Variants in DLEC1 observed in about 807,000 individuals in gnomAD.
DLEC1 encodes the protein deleted in lung and esophageal cancer protein 1.
A neutral mutation model predicts 198.1 loss-of-function variants in DLEC1; 146 were observed. The observed-to-expected ratio is 0.74, with a 90% CI of 0.64 to 0.85. The LOEUF (loss-of-function observed/expected upper bound fraction) is 0.85. Ranked by LOEUF, DLEC1 falls within the 40% of genes least tolerant of loss-of-function variation. The probability of loss-of-function intolerance (pLI) is 0.00; values close to 1 mark genes in which losing one functional copy is unlikely to be tolerated. For synonymous variants in DLEC1, 897 were observed against 866.8 expected (o/e 1.03, Z -0.61); for missense variants, 2,233 against 2,220.0 (o/e 1.01, Z -0.12).
chr3:38,093,352 CCTT>C (rs1698839099), intron 11 of DLEC1, among the ~76,000 whole-genome samples: 1 of 151,942 alleles, frequency 6.6e-6, no homozygotes, highest in Non-Finnish European at 1.5e-5. Flanking sequence ...TCCTTTTCTC[CCTT>C]CTTCTCTCCC....
At chr3:38,083,650 A>C (rs568088723) in intron 6 of DLEC1, among the ~76,000 whole-genome samples, 17 of 152,254 alleles carry the variant, frequency 1.1e-4, no homozygotes, top group Non-Finnish European at 1.6e-4. Flanking sequence ...GTGATTCTTC[A>C]GTTACTTCAG....
At chr3:38,096,115 T>C (rs1479886815) in intron 14 of DLEC1, among the ~76,000 whole-genome samples, 169 bp downstream of exon 14, 1 of 152,120 alleles carries the variant, frequency 6.6e-6, no homozygotes, top group Non-Finnish European at 1.5e-5. Flanking sequence ...AGCCCTGCAA[T>C]GGGCTGAGCA....
chr3:38,080,326 A>G lies in DLEC1; in HGVS notation c.1174-3832A>G, dbSNP rs183033815. Among the ~76,000 whole-genome samples the G allele has an allele frequency of 1.2e-3, 176 of 152,122 alleles. 1 individual carries two copies. The highest frequency in any genetic ancestry group is 3.2e-3 in the African/African-American group (134 of 41,486). ...TGGGACCTAGCTTGGCCTGGTGAGG[A>G]GGGGAGAGGTCAGATGGGTCTGTAG... On this transcript the variant is annotated intron_variant, in intron 6 of 36. Transcript: ENST00000308059.
rs1040917565 is a variant in DLEC1, at chr3:38,112,504, G to A, written c.3666+143G>A. ...ACGCGATGCCCACCGAGCTTGGGAT[G>A]GGCATTCGTGTCTGAGGCAGCCTCT... is the stretch of plus-strand genomic sequence containing the variant. On this transcript the variant is annotated intron_variant, in intron 25 of 36. Transcript: ENST00000308059. The surrounding 1 kb of genome is among the most constrained non-coding windows in gnomAD (Gnocchi z 4.8). 5 of 1,256,866 alleles carry A rather than the reference G, an allele frequency of 4.0e-6. No individual in the cohort carries two copies. The highest frequency in any genetic ancestry group is 1.5e-5 in the African/African-American group (1 of 67,058). 77.9% of individuals were successfully genotyped at this position (1,256,866 alleles called of 1,614,324 possible).
In DLEC1 at chr3:38,094,952, A is replaced by G. The variant is rs756201773; in HGVS notation, c.1993A>G (p.Ser665Gly). 3.1e-6 allele frequency: 5 copies of G among 1,614,214 alleles called. No homozygotes were observed. The highest frequency in any genetic ancestry group is 4.5e-5 in the East Asian group (2 of 44,892). The change falls in exon 13 of 37, where the codon AGC (serine) becomes GGC (glycine). Residue 665 changes from serine to glycine, a missense_variant. Ser to Gly is a moderately conservative substitution (Grantham distance 56). Transcript: ENST00000308059. ...GCCCCTCATGCCTGGAGAAACCTTC[A>G]GCATGGACAGCATCAAGTGCTACCC... ...LQPLMPGETF[S>G]MDSIKCYPDK...
At chr3:38,060,980 C>T (rs770979702) in intron 3 of DLEC1, among the ~76,000 whole-genome samples, 8 of 151,826 alleles carry the variant, frequency 5.3e-5, no homozygotes, top group Non-Finnish European at 7.4e-5. Context: ...CCACCGCACC[C>T]GGCCACCACT....
chr3:38,074,479 G>A (rs1341651061), intron 6 of DLEC1, among the ~76,000 whole-genome samples: 3 of 152,270 alleles, frequency 2.0e-5, no homozygotes, highest in Non-Finnish European at 4.4e-5. Flanking sequence ...AGCGGGCCAT[G>A]AACTGGGCTG....
rs544573116 is a variant in DLEC1, at chr3:38,097,521, G to A, written c.2449G>A (p.Gly817Arg). 58 of 1,614,032 alleles carry A rather than the reference G, an allele frequency of 3.6e-5. No individual in the cohort carries two copies. The highest frequency in any genetic ancestry group is 3.3e-4 in the Middle Eastern group (2 of 6,084). The stretch of plus-strand genomic sequence containing the variant: ...TCTCTTCTCAGAGCCCAGTGAGGTC[G>A]GGGATTTTGAGTTGAACTTTACTGG... ...GTGVIEPSEVGDFELNFTGGV... is the reference protein window; with the variant it reads ...GTGVIEPSEVRDFELNFTGGV... Residue 817 changes from glycine to arginine, a missense_variant, in exon 17 of 37, where the codon GGG becomes AGG. Physicochemically the swap from Gly to Arg is moderately radical, Grantham distance 125. Coordinates refer to ENST00000308059, the MANE Select transcript of DLEC1 (RefSeq NM_007335.4).
chr3:38,067,738 AGT>A (rs1190048217), intron 6 of DLEC1, among the ~76,000 whole-genome samples: 1 of 148,282 alleles, frequency 6.7e-6, no homozygotes, highest in Non-Finnish European at 1.5e-5. Flanking sequence ...TGACAATGCA[AGT>A]GAGTATCTGC....
At position 38,076,649 on chromosome 3, in the gene DLEC1, T is replaced by C. The variant is rs192175283; in HGVS notation, c.1174-7509T>C. On this transcript the variant is annotated intron_variant, in intron 6 of 36. Coordinates refer to ENST00000308059, the MANE Select transcript of DLEC1 (RefSeq NM_007335.4). ...GTGGGGCAGGGCATATTCACTTCTT[T>C]TGTGATTCTTCAGTTACTTCAGGCC... 5.3e-3 allele frequency among the ~76,000 whole-genome samples: 805 copies of C among 152,298 alleles called. 10 individuals are homozygous for C. The highest frequency in any genetic ancestry group is 0.017 in the African/African-American group (724 of 41,552).
In DLEC1 at chr3:38,102,278, T is replaced by G. The variant is rs186055109; in HGVS notation, c.2864+1853T>G. Among the ~76,000 whole-genome samples the G allele has an allele frequency of 7.7e-3, 1,172 of 152,310 alleles. 10 individuals are homozygous for G. Among genetic ancestry groups the G allele is most frequent in the Non-Finnish European group, 0.014 (936 of 68,028 alleles). On this transcript the variant is annotated intron_variant, in intron 19 of 36. Coordinates refer to ENST00000308059, the MANE Select transcript of DLEC1 (RefSeq NM_007335.4). ...ATCTCTGAGAGCCAATCTGGCTCTT[T>G]GCAGAGATAGGCCCTGATTGCTCTT...
intron 2 of DLEC1, chr3:38,052,395 G>C (rs1009274918): frequency 3.7e-6 from 1 of 268,114 alleles, no homozygotes; most frequent in African/African-American, 2.2e-5. Context: ...GGAATGGTTC[G>C]GATAGGTGCA....
intron 6 of DLEC1, among the ~76,000 whole-genome samples, chr3:38,064,816 G>C (rs1696920950): frequency 6.6e-6 from 1 of 151,728 alleles, no homozygotes; most frequent in Non-Finnish European, 1.5e-5. Context: ...CTTCCTAGAT[G>C]GGATGACGGC....
chr3:38,070,898 A>G (rs1021204780), intron 6 of DLEC1, among the ~76,000 whole-genome samples: 1 of 152,142 alleles, frequency 6.6e-6, no homozygotes, highest in South Asian at 2.1e-4. Context: ...AAGTCACAGG[A>G]GATGCGATGG....
chr3:38,063,682 C>T (rs1435370980), intron 5 of DLEC1, among the ~76,000 whole-genome samples, 159 bp from the exon 6 acceptor site: 1 of 152,146 alleles, frequency 6.6e-6, no homozygotes, highest in African/African-American at 2.4e-5. Context: ...TTATAACCTG[C>T]ATTAACAATA....
chr3:38,075,728 A>T (rs1384075241), intron 6 of DLEC1, among the ~76,000 whole-genome samples: 1 of 151,968 alleles, frequency 6.6e-6, no homozygotes, highest in Admixed American at 6.6e-5. Context: ...GGGCACAGGG[A>T]TAAGAGGTTG....
rs1038875189 is a variant in DLEC1 at position 38,059,227 on chromosome 3, C to A, written c.563-515C>A. Among the ~76,000 whole-genome samples, 7 of 152,136 alleles carry A rather than the reference C, an allele frequency of 4.6e-5. No individual in the cohort carries two copies. The East Asian group carries it at 1.4e-3, about 29-fold the overall frequency. On this transcript the variant is annotated intron_variant, in intron 2 of 36. Transcript: ENST00000308059. Reference sequence around the variant, plus strand: ...AGGCTCAGGTCTGCTCTGGATTCCCCCTGGGGTCTAAGATGAAGGGACAGG... The same window carrying A: ...AGGCTCAGGTCTGCTCTGGATTCCCACTGGGGTCTAAGATGAAGGGACAGG...
intron 3 of DLEC1, among the ~76,000 whole-genome samples, chr3:38,061,382 T>G (rs903194697): frequency 6.6e-6 from 1 of 152,014 alleles, no homozygotes; most frequent in Non-Finnish European, 1.5e-5. Flanking sequence ...GGTTTCACCA[T>G]GTTGGCCAGG....
chr3:38,075,574 CG>C (rs995615372), intron 6 of DLEC1, among the ~76,000 whole-genome samples: 2 of 147,148 alleles, frequency 1.4e-5, no homozygotes, highest in Non-Finnish European at 3.0e-5. Flanking sequence ...GGAAGGGGTT[CG>C]GGGGTTCTTA....
Sources: gnomAD v4.1 joint callset for allele counts (sites outside exome capture counted in the v4.1 genomes callset) on GRCh38, gnomAD v4.1.1 for gene constraint, Gnocchi (gnomAD v3.1) non-coding constraint, MANE v1.5 for transcripts, NCBI Gene and HGNC (gene_info 2026-07-23, HGNC 2026-07-21) for gene names.